Variants in PTP4A2 observed in about 807,000 individuals in gnomAD.
The protein encoded by PTP4A2 is protein tyrosine phosphatase 4A2.
A neutral mutation model predicts 22.9 loss-of-function variants in PTP4A2; 2 were observed. The ratio of observed to expected loss-of-function variants is 0.09; its 90% confidence interval spans 0.04 to 0.27. The LOEUF (loss-of-function observed/expected upper bound fraction) is 0.27. PTP4A2 is among the 10% of genes least tolerant of loss of function. The probability of loss-of-function intolerance (pLI) is 1.00; values close to 1 mark genes in which losing one functional copy is unlikely to be tolerated. For synonymous variants in PTP4A2, 68 were observed against 69.1 expected, an observed-to-expected ratio of 0.98 and a Z score of 0.08; for missense variants, 103 against 205.1, an observed-to-expected ratio of 0.50 and a Z score of 3.04.
In PTP4A2 at chr1:31,918,982, G is replaced by C; in HGVS notation, c.84C>G (p.Asn28Lys). ...GCCACAATCTTACCTCTGTGAACTT[G>C]TTGAGAGTAGCATTGGTAGGGTTGT... The part of the protein sequence containing the change: ...ITHNPTNATL[N>K]KFTEELKKYG... Residue 28 changes from asparagine to lysine, a missense_variant, in exon 2 of 6, where the codon AAC becomes AAG. By Grantham distance (94) the Asn-to-Lys change is moderately conservative (BLOSUM62 0). Transcript: ENST00000647444. 1.9e-6 allele frequency: 3 copies of C among 1,579,568 alleles called. No homozygotes were observed. The South Asian group carries it at 3.3e-5, about 17-fold the overall frequency.
Position 31,919,605 on chromosome 1 carries a change from T to G in PTP4A2, c.-540A>C, listed in dbSNP as rs1309508034. 6.5e-6 allele frequency: 1 copy of G among 152,706 alleles called. No homozygotes were observed. Among genetic ancestry groups the G allele is most frequent in the Non-Finnish European group, 1.5e-5 (1 of 68,104 alleles). The allele number at this position is 152,706 out of a possible 1,614,324, so 9.5% of individuals were successfully genotyped here. A position where few individuals can be genotyped will look rare whatever the true frequency, so the allele number is the denominator to read the frequency against. On this transcript the variant is annotated 5_prime_UTR_variant, in exon 2 of 6. Transcript: ENST00000647444. ...TGCTGTGCTGAGCCTGGCAGAAGTC[T>G]GCCCTCACACTCAGAATCGCCATAA... is the stretch of plus-strand genomic sequence containing the variant.
intron 2 of PTP4A2, among the ~76,000 whole-genome samples, chr1:31,917,803 G>A (rs953828183): frequency 2.6e-4 from 39 of 151,866 alleles, no homozygotes; most frequent in African/African-American, 7.5e-4. Context: ...GTGAAACTTC[G>A]TCTCTACTAA....
intron 1 of PTP4A2, 123 bp downstream of exon 1, chr1:31,937,864 G>C (rs933967560): frequency 1.3e-5 from 2 of 151,250 alleles, no homozygotes; most frequent in African/African-American, 4.9e-5. Context: ...GCCCCGGCCC[G>C]GCCCGGCCCT....
At chr1:31,912,854 C>T in intron 3 of PTP4A2, 1 of 306,906 alleles carries the variant, frequency 3.3e-6, no homozygotes, top group Non-Finnish European at 6.5e-6. Flanking sequence ...ACCACTAGAA[C>T]ACTTCATGTA....
intron 3 of PTP4A2, chr1:31,913,964 G>A: frequency 2.2e-6 from 1 of 445,852 alleles, no homozygotes; most frequent in South Asian, 1.6e-5. Flanking sequence ...ACACAGGGCT[G>A]CATTTGACAT....
In PTP4A2 at chr1:31,908,122, ATATATATATATAT is replaced by A. The variant is rs1651284194; in HGVS notation, c.*717_*729del. 5 of 438 alleles carry A rather than the reference ATATATATATATAT, an allele frequency of 0.011. No individual in the cohort carries two copies. Among genetic ancestry groups the A allele is most frequent in the African/African-American group, 0.033 (4 of 120 alleles). 0.0% of individuals were successfully genotyped at this position (438 alleles called of 1,614,324 possible). On this transcript the variant is annotated 3_prime_UTR_variant, in exon 6 of 6. Coordinates refer to ENST00000647444, the MANE Select transcript of PTP4A2 (RefSeq NM_080391.4). Reference sequence around the variant, plus strand: ...TAAAAACCACCTGGAAAATATATATATATATATATATATTATATTATATATATATATATATATA... The same window carrying A: ...TAAAAACCACCTGGAAAATATATATATATATTATATATATATATATATATA...
intron 4 of PTP4A2, chr1:31,910,433 G>T (rs1651475168): frequency 1.0e-5 from 2 of 199,498 alleles, no homozygotes; most frequent in South Asian, 2.3e-4. Context: ...CGGACTATAG[G>T]TGCCCGCCAC....
chr1:31,926,855 G>A (rs1372775032), intron 1 of PTP4A2, among the ~76,000 whole-genome samples: 3 of 152,122 alleles, frequency 2.0e-5, no homozygotes, highest in Non-Finnish European at 4.4e-5. Flanking sequence ...TTTTAAATAA[G>A]GCTAACAGGA....
chr1:31,935,771 AAATT>A (rs1341987963), intron 1 of PTP4A2: 1 of 152,282 alleles, frequency 6.6e-6, no homozygotes, highest in East Asian at 1.9e-4. Flanking sequence ...GCACAGGAGG[AAATT>A]AATACTAATC....
At chr1:31,922,635 T>TTTCTTTC (rs1487361291) in intron 1 of PTP4A2, among the ~76,000 whole-genome samples, 1 of 124,480 alleles carries the variant, frequency 8.0e-6, no homozygotes, top group African/African-American at 3.1e-5. Context: ...TCTTTCTTTC[T>TTTCTTTC]TTTATTTATT....
Position 31,926,609 on chromosome 1 carries a change from A to G in PTP4A2, c.-593-6951T>C, listed in dbSNP as rs12024293. On this transcript the variant is annotated intron_variant, in intron 1 of 5. Coordinates refer to ENST00000647444, the MANE Select transcript of PTP4A2 (RefSeq NM_080391.4). ...CTAATCTGTCAACAGTAAAGAATTT[A>G]TCCTCCTGAAGAGCTAGGCATTTTC... is the stretch of plus-strand genomic sequence containing the variant. 1.5e-4 allele frequency among the ~76,000 whole-genome samples: 23 copies of G among 152,352 alleles called. No individual in the cohort carries two copies. The East Asian group carries it at 4.2e-3, about 28-fold the overall frequency.
intron 1 of PTP4A2, chr1:31,931,029 A>G (rs1652704247): frequency 6.6e-6 from 1 of 152,206 alleles, no homozygotes; most frequent in South Asian, 2.1e-4. Context: ...GTTTACTGAG[A>G]TAAGGGACAA....
At position 31,908,135 on chromosome 1, in the gene PTP4A2, TTATATTA is replaced by T. The variant is rs1651294084; in HGVS notation, c.*710_*716del. ...GAAAATATATATATATATATATATA[TTATATTA>T]TATATATATATATATATATATATAT... On this transcript the variant is annotated 3_prime_UTR_variant, in exon 6 of 6. Coordinates refer to ENST00000647444, the MANE Select transcript of PTP4A2 (RefSeq NM_080391.4). 20 of 3,960 alleles carry T rather than the reference TTATATTA, an allele frequency of 5.1e-3. 5 individuals are homozygous for T. Among genetic ancestry groups the T allele is most frequent in the South Asian group, 9.8e-3 (1 of 102 alleles). 0.2% of individuals were successfully genotyped at this position (3,960 alleles called of 1,614,324 possible). A position where few individuals can be genotyped will look rare whatever the true frequency, so the allele number is the denominator to read the frequency against.
At chr1:31,937,218 A>G (rs573174450) in intron 1 of PTP4A2, among the ~76,000 whole-genome samples, 1 of 152,216 alleles carries the variant, frequency 6.6e-6, no homozygotes, top group South Asian at 2.1e-4. Context: ...AACGTGGGAG[A>G]AAAAAATGTA....
chr1:31,925,537 G>C (rs1011412485), intron 1 of PTP4A2, among the ~76,000 whole-genome samples: 4 of 152,020 alleles, frequency 2.6e-5, no homozygotes, highest in Admixed American at 6.6e-5. Flanking sequence ...GGCAGATCAC[G>C]AACGAGGTCA....
At chr1:31,911,162 T>C (rs972481075) in intron 4 of PTP4A2, 1 of 152,328 alleles carries the variant, frequency 6.6e-6, no homozygotes, top group African/African-American at 2.4e-5. Flanking sequence ...CTTGAGGCAA[T>C]GGCAGCCTAC....
In PTP4A2 at chr1:31,922,842, G is replaced by A. The variant is rs185659141; in HGVS notation, c.-593-3184C>T. ...TCACTATGCTGCCCAGGCTGATCTC[G>A]AATTCCTGGATGAAAACCAACCTCC... On this transcript the variant is annotated intron_variant, in intron 1 of 5. Transcript: ENST00000647444. 2.6e-5 allele frequency among the ~76,000 whole-genome samples: 4 copies of A among 151,870 alleles called. No individual in the cohort carries two copies. In the East Asian group the frequency reaches 5.8e-4, roughly 22 times the overall value.
At chr1:31,925,583 C>A (rs925560044) in intron 1 of PTP4A2, among the ~76,000 whole-genome samples, 2 of 151,842 alleles carry the variant, frequency 1.3e-5, no homozygotes, top group Admixed American at 6.6e-5. Context: ...CACGGTGAAA[C>A]CCCGTCTCCA....
intron 1 of PTP4A2, among the ~76,000 whole-genome samples, chr1:31,934,316 A>C (rs1043222612): frequency 1.3e-5 from 2 of 152,254 alleles, no homozygotes; most frequent in African/African-American, 2.4e-5. Context: ...GCAAAATTTT[A>C]AAGATCCCAT....
Sources: allele counts gnomAD v4.1 joint callset (sites outside exome capture counted in the v4.1 genomes callset), GRCh38; gene constraint gnomAD v4.1.1; transcripts MANE v1.5; gene names NCBI Gene and HGNC (gene_info 2026-07-23, HGNC 2026-07-21).